The following PAX7 variants were observed in gnomAD, a reference collection of about 807,000 sequenced individuals.
PAX7 encodes the protein paired box protein Pax-7.
Under a neutral mutation model 50.7 loss-of-function variants are expected in PAX7, and 18 were observed. That is an observed-to-expected ratio of 0.36 (90% CI 0.25 to 0.53). The LOEUF (loss-of-function observed/expected upper bound fraction) is 0.53. PAX7 is among the 20% of genes least tolerant of loss of function. The pLI, the probability that PAX7 is intolerant of heterozygous loss-of-function variation, is 0.93. For synonymous variants in PAX7, 310 were observed against 290.4 expected, an observed-to-expected ratio of 1.07 and a Z score of -0.69; for missense variants, 644 against 702.9, an observed-to-expected ratio of 0.92 and a Z score of 0.95.
At chr1:18,655,652 C>T (rs769993239) in intron 4 of PAX7, among the ~76,000 whole-genome samples, 1 of 152,182 alleles carries the variant, frequency 6.6e-6, no homozygotes, top group African/African-American at 2.4e-5. Flanking sequence ...TCATTTGACT[C>T]GGAAATCTCA....
At chr1:18,725,703 C>T (rs953311086) in intron 7 of PAX7, among the ~76,000 whole-genome samples, 8 of 152,222 alleles carry the variant, frequency 5.3e-5, no homozygotes, top group Non-Finnish European at 7.3e-5. Flanking sequence ...CCCTTCCCCC[C>T]GAGCCTCGCC....
intron 4 of PAX7, among the ~76,000 whole-genome samples, chr1:18,651,281 T>A (rs767761807): frequency 1.3e-5 from 2 of 152,204 alleles, no homozygotes; most frequent in Non-Finnish European, 2.9e-5. Context: ...ATGCTGAGAA[T>A]TTCCCAAGTC....
At chr1:18,688,143 T>C (rs1387230517) in intron 4 of PAX7, among the ~76,000 whole-genome samples, 1 of 152,240 alleles carries the variant, frequency 6.6e-6, no homozygotes, top group Non-Finnish European at 1.5e-5. Context: ...AATATTTTAC[T>C]ATATCTAAAA....
chr1:18,668,841 C>G (rs927664448), intron 4 of PAX7, among the ~76,000 whole-genome samples: 1 of 152,208 alleles, frequency 6.6e-6, no homozygotes, highest in Non-Finnish European at 1.5e-5. Flanking sequence ...ACCACATTTC[C>G]CAAGAGGAGG....
intron 7 of PAX7, among the ~76,000 whole-genome samples, chr1:18,724,095 C>G (rs541898880): frequency 6.6e-6 from 1 of 152,202 alleles, no homozygotes; most frequent in Non-Finnish European, 1.5e-5. Context: ...GTGGGCCGGC[C>G]GGGAACCACC....
chr1:18,639,395 A>ATTTTTTTTTTTT (rs3079731), intron 4 of PAX7, among the ~76,000 whole-genome samples: 1 of 149,228 alleles, frequency 6.7e-6, no homozygotes. Flanking sequence ...GGCTGTTCAT[A>ATTTTTTTTTTTT]TTTTTTTTTT....
intron 4 of PAX7, among the ~76,000 whole-genome samples, chr1:18,649,002 TACTGAGCCCGTG>T (rs1478851882): frequency 6.6e-6 from 1 of 151,992 alleles, no homozygotes; most frequent in East Asian, 1.9e-4. Context: ...TGCCCAAGGG[TACTGAGCCCGTG>T]ACTGGCTGCT....
At position 18,634,988 on chromosome 1, in the gene PAX7, G is replaced by C. The variant is rs949553842; in HGVS notation, c.322-123G>C. 1.7e-6 allele frequency: 2 copies of C among 1,211,740 alleles called. No individual in the cohort carries two copies. The highest frequency in any genetic ancestry group is 2.3e-6 in the Non-Finnish European group (2 of 877,456). The allele number at this position is 1,211,740 out of a possible 1,614,324, so 75.1% of individuals were successfully genotyped here. ...GGATAAAGCCAATCTCTTGGGGGAT[G>C]GGGGGACACAAGGTAACCAGAACCA... is the stretch of plus-strand genomic sequence containing the variant. On this transcript the variant is annotated intron_variant, in intron 2 of 8. Coordinates refer to ENST00000420770, the MANE Select transcript of PAX7 (RefSeq NM_001135254.2). This position sits in a 1 kb window ranked among gnomAD's most constrained non-coding sequence, Gnocchi z 4.0.
Position 18,745,132 on chromosome 1 carries a change from G to A in PAX7, c.*203G>A. Reference sequence around the variant, plus strand: ...AGGGATCCAGAGTGATGCCCTTGGAGTCTGCTCCCCACTTTCCCCAAGGAG... The same window carrying A: ...AGGGATCCAGAGTGATGCCCTTGGAATCTGCTCCCCACTTTCCCCAAGGAG... On this transcript the variant is annotated 3_prime_UTR_variant, in exon 9 of 9. Coordinates refer to ENST00000420770, the MANE Select transcript of PAX7 (RefSeq NM_001135254.2). The A allele has an allele frequency of 3.4e-6, 2 of 582,610 alleles. No homozygotes were observed. Among genetic ancestry groups the A allele is most frequent in the Non-Finnish European group, 6.1e-6 (2 of 326,402 alleles). 36.1% of individuals were successfully genotyped at this position (582,610 alleles called of 1,614,324 possible). A position where few individuals can be genotyped will look rare whatever the true frequency, so the allele number is the denominator to read the frequency against.
At chr1:18,662,251 C>T (rs1016281203) in intron 4 of PAX7, among the ~76,000 whole-genome samples, 1 of 152,168 alleles carries the variant, frequency 6.6e-6, no homozygotes, top group East Asian at 1.9e-4. Flanking sequence ...GGCCAAGCTA[C>T]TCCTGCTCTC....
chr1:18,641,550 C>T (rs1190516732), intron 4 of PAX7, among the ~76,000 whole-genome samples: 1 of 152,218 alleles, frequency 6.6e-6, no homozygotes, highest in African/African-American at 2.4e-5. Context: ...TTTGTGTTCC[C>T]CTCGGGGCAC....
At chr1:18,710,697 A>G (rs757364755) in intron 7 of PAX7, among the ~76,000 whole-genome samples, 1 of 152,180 alleles carries the variant, frequency 6.6e-6, no homozygotes, top group Admixed American at 6.5e-5. Flanking sequence ...GAGCTGAAAA[A>G]TGAATTTGAA....
intron 5 of PAX7, among the ~76,000 whole-genome samples, chr1:18,693,987 C>T (rs1047205190): frequency 2.6e-5 from 4 of 152,180 alleles, no homozygotes; most frequent in Admixed American, 6.5e-5. Flanking sequence ...GGGGCGGGGC[C>T]CGCCTCCTGC....
intron 7 of PAX7, among the ~76,000 whole-genome samples, chr1:18,719,891 C>T (rs1484083469): frequency 6.6e-6 from 1 of 152,204 alleles, no homozygotes; most frequent in Non-Finnish European, 1.5e-5. Context: ...TGCCACACCA[C>T]ATTGGTTTGG....
chr1:18,638,951 G>C (rs1439629610), intron 4 of PAX7, among the ~76,000 whole-genome samples: 4 of 152,180 alleles, frequency 2.6e-5, no homozygotes, highest in Admixed American at 2.6e-4. Flanking sequence ...GCCAGAGCAG[G>C]GGGAGTTGTG....
Position 18,735,129 on chromosome 1 carries a change from C to T in PAX7, c.1156-503C>T, listed in dbSNP as rs2089693855. ...CCTCAGAGTCCGGAGGAGTGGCAGG[C>T]AGAGCAAGCCACACACAGTGACAGC... On this transcript the variant is annotated intron_variant, in intron 7 of 8. Coordinates refer to ENST00000420770, the MANE Select transcript of PAX7 (RefSeq NM_001135254.2). The surrounding 1 kb of genome is among the most constrained non-coding windows in gnomAD (Gnocchi z 4.0). Among the ~76,000 whole-genome samples, 1 of 152,130 alleles carries T rather than the reference C, an allele frequency of 6.6e-6. No individual in the cohort carries two copies. Among genetic ancestry groups the T allele is most frequent in the Non-Finnish European group, 1.5e-5 (1 of 68,040 alleles).
Position 18,687,391 on chromosome 1 carries a change from G to A in PAX7, c.587-4363G>A, listed in dbSNP as rs137894846. 2.6e-3 allele frequency among the ~76,000 whole-genome samples: 392 copies of A among 152,254 alleles called. 3 individuals are homozygous for A. The South Asian group carries it at 0.029, about 11-fold the overall frequency. On this transcript the variant is annotated intron_variant, in intron 4 of 8. Transcript: ENST00000420770. ...CGAGACCAGGATTCCTGATTAGACC[G>A]GGGCTGTCCCAGAGGACCCTCAAAC...
intron 7 of PAX7, among the ~76,000 whole-genome samples, chr1:18,707,265 C>T (rs1457484534): frequency 1.3e-5 from 2 of 152,118 alleles, no homozygotes; most frequent in Non-Finnish European, 2.9e-5. Flanking sequence ...TTGACAAGGA[C>T]AGCTGAATTT....
intron 7 of PAX7, among the ~76,000 whole-genome samples, chr1:18,704,852 A>C (rs147545621): frequency 1.1e-4 from 16 of 152,304 alleles, no homozygotes; most frequent in Non-Finnish European, 2.2e-4. Context: ...AAAACCCTTG[A>C]GTAAGTCCCT....
Sources: allele counts gnomAD v4.1 joint callset (sites outside exome capture counted in the v4.1 genomes callset), GRCh38; gene constraint gnomAD v4.1.1; non-coding constraint Gnocchi (gnomAD v3.1); transcripts MANE v1.5; gene names NCBI Gene and HGNC (gene_info 2026-07-23, HGNC 2026-07-21).